CPE: variants seen among roughly 807,000 people sequenced by gnomAD.
CPE encodes carbocypeptidase E.
Under a neutral mutation model 53.5 loss-of-function variants are expected in CPE, and 17 were observed. The ratio of observed to expected loss-of-function variants is 0.32; its 90% CI spans 0.22 to 0.48. The LOEUF is 0.48. CPE is among the 20% of genes least tolerant of loss of function. CPE has a pLI of 0.99. For missense variants in CPE, 524 were observed against 614.7 expected, an observed-to-expected ratio of 0.85 and a Z score of 1.56; for synonymous variants, 226 against 228.8, an observed-to-expected ratio of 0.99 and a Z score of 0.11.
intron 1 of CPE, among the ~76,000 whole-genome samples, chr4:165,426,911 G>T (rs938226953): frequency 6.6e-6 from 1 of 152,278 alleles, no homozygotes; most frequent in East Asian, 1.9e-4. Flanking sequence ...GGCAGAGAGC[G>T]GGCCTGAAAG....
intron 1 of CPE, among the ~76,000 whole-genome samples, chr4:165,397,776 C>T (rs1730792963): frequency 6.6e-6 from 1 of 151,908 alleles, no homozygotes; most frequent in South Asian, 2.1e-4. Context: ...CATAGTGGCT[C>T]ATGCTTGAAA....
chr4:165,392,853 A>G (rs2126656464), intron 1 of CPE, among the ~76,000 whole-genome samples: 1 of 148,282 alleles, frequency 6.7e-6, no homozygotes, highest in South Asian at 2.1e-4. Flanking sequence ...TGGCACATAT[A>G]TAGTCTGTTA....
chr4:165,472,693 C>T (rs1282094012), intron 3 of CPE, among the ~76,000 whole-genome samples: 1 of 152,202 alleles, frequency 6.6e-6, no homozygotes, highest in African/African-American at 2.4e-5. Flanking sequence ...AAACCTTCCA[C>T]AACTTGCTCA....
Position 165,480,023 on chromosome 4 carries a change from T to C in CPE, c.673-2219T>C, listed in dbSNP as rs181457587. On this transcript the variant is annotated intron_variant, in intron 3 of 8. Coordinates refer to ENST00000402744, the MANE Select transcript of CPE (RefSeq NM_001873.4). Reference sequence around the variant, plus strand: ...AAAAAAAAAAAGCTATGCATTTCAATAGAAAAATTAGTTAAACCATATAAA... The same window carrying C: ...AAAAAAAAAAAGCTATGCATTTCAACAGAAAAATTAGTTAAACCATATAAA... 3.6e-3 allele frequency among the ~76,000 whole-genome samples: 545 copies of C among 149,934 alleles called. 2 individuals are homozygous for C. The highest frequency in any genetic ancestry group is 0.013 in the African/African-American group (515 of 40,918).
rs551225343 is a variant in CPE, at chr4:165,383,772, G to A, written c.307+4244G>A. 6.6e-5 allele frequency among the ~76,000 whole-genome samples: 10 copies of A among 152,302 alleles called. No individual in the cohort carries two copies. In the South Asian group the frequency reaches 1.7e-3, roughly 25 times the overall value. ...ATTATTTGTATGGCGTCTTTTTATAGCAGATTAGTATGTGTTAGTGGCAAA... is the reference window on the plus strand; with the variant it reads ...ATTATTTGTATGGCGTCTTTTTATAACAGATTAGTATGTGTTAGTGGCAAA... On this transcript the variant is annotated intron_variant, in intron 1 of 8. Coordinates refer to ENST00000402744, the MANE Select transcript of CPE (RefSeq NM_001873.4).
In CPE at chr4:165,482,501, G is replaced by T. The variant is rs1025600764; in HGVS notation, c.790+142G>T. On this transcript the variant is annotated intron_variant, in intron 4 of 8. Transcript: ENST00000402744. ...AAGAAAGAACTATGTTTAACAGGAAGCTCTCCTAATCATTTCATATGGTGT... is the reference window on the plus strand; with the variant it reads ...AAGAAAGAACTATGTTTAACAGGAATCTCTCCTAATCATTTCATATGGTGT... The T allele has an allele frequency of 4.8e-6, 3 of 620,994 alleles. No homozygotes were observed. The African/African-American group carries it at 5.6e-5, about 12-fold the overall frequency. The allele number at this position is 620,994 out of a possible 1,614,324, so 38.5% of individuals were successfully genotyped here.
rs780653193 is a variant in CPE at position 165,493,149 on chromosome 4, T to C, written c.1114-22T>C. The stretch of plus-strand genomic sequence containing the variant: ...AAATTTATAGGTCATATTAATTTTT[T>C]GGTTATTTTTGACCTTCACAGATAC... On this transcript the variant is annotated intron_variant, in intron 6 of 8. Coordinates refer to ENST00000402744, the MANE Select transcript of CPE (RefSeq NM_001873.4). 9 of 1,496,134 alleles carry C rather than the reference T, an allele frequency of 6.0e-6. No homozygotes were observed. In the South Asian group the frequency reaches 9.2e-5, roughly 15 times the overall value. 92.7% of individuals were successfully genotyped at this position (1,496,134 alleles called of 1,614,324 possible).
chr4:165,400,432 G>C (rs982537786), intron 1 of CPE, among the ~76,000 whole-genome samples: 2 of 152,140 alleles, frequency 1.3e-5, no homozygotes, highest in East Asian at 3.9e-4. Context: ...AAAGAAAGAG[G>C]CAGTAGGTAT....
intron 1 of CPE, among the ~76,000 whole-genome samples, chr4:165,432,543 G>A (rs1190946944): frequency 6.6e-6 from 1 of 152,060 alleles, no homozygotes; most frequent in Non-Finnish European, 1.5e-5. Context: ...CAATTCTCCT[G>A]CCTTGGCCTC....
At chr4:165,464,073 A>G (rs1732054450) in intron 1 of CPE, among the ~76,000 whole-genome samples, 1 of 152,198 alleles carries the variant, frequency 6.6e-6, no homozygotes, top group South Asian at 2.1e-4. Context: ...TAAAGATGAC[A>G]GTCCTATTGG....
At chr4:165,423,867 C>G (rs1028100764) in intron 1 of CPE, among the ~76,000 whole-genome samples, 11 of 142,366 alleles carry the variant, frequency 7.7e-5, no homozygotes, top group Non-Finnish European at 1.7e-4. Flanking sequence ...TTGTTCAATT[C>G]CCACCTATGA....
intron 1 of CPE, among the ~76,000 whole-genome samples, chr4:165,410,127 T>C (rs1731013415): frequency 6.6e-6 from 1 of 151,486 alleles, no homozygotes. Context: ...TGGGCGCCTG[T>C]AGTCCCAGCT....
intron 1 of CPE, among the ~76,000 whole-genome samples, chr4:165,442,024 T>G (rs1241866640): frequency 8.2e-5 from 4 of 49,000 alleles, no homozygotes; most frequent in South Asian, 1.1e-3. Flanking sequence ...GGTGAGTTTG[T>G]TTTTTTTTTT....
intron 1 of CPE, chr4:165,381,324 C>T: frequency 6.6e-6 from 3 of 456,214 alleles, no homozygotes; most frequent in South Asian, 4.6e-5. Flanking sequence ...CAGCACCCAG[C>T]TCATGTTTGG....
At chr4:165,476,674 TGCCTGACATTCCTGGTGTTGGGAGAAG>T (rs1244701832) in intron 3 of CPE, among the ~76,000 whole-genome samples, 3 of 152,156 alleles carry the variant, frequency 2.0e-5, no homozygotes, top group Non-Finnish European at 4.4e-5. Flanking sequence ...ACCTAATGTT[TGCCTGACATTCCTGGTGTTGGGAGAAG>T]GCCCTCTCCT....
At chr4:165,432,527 C>G (rs755317896) in intron 1 of CPE, among the ~76,000 whole-genome samples, 18 of 152,244 alleles carry the variant, frequency 1.2e-4, no homozygotes, top group Non-Finnish European at 2.6e-4. Flanking sequence ...AACTCCTGGG[C>G]TCAAGCAATT....
intron 1 of CPE, chr4:165,415,012 T>C (rs1191144341): frequency 6.4e-6 from 1 of 155,916 alleles, no homozygotes; most frequent in Non-Finnish European, 1.5e-5. Context: ...TAATTCCAAA[T>C]GAATATGTTT....
At chr4:165,460,638 C>T (rs1435972189) in intron 1 of CPE, among the ~76,000 whole-genome samples, 2 of 152,152 alleles carry the variant, frequency 1.3e-5, no homozygotes. Context: ...GGTTTTCAAG[C>T]ATCTGCAGCT....
chr4:165,479,947 G>A (rs371815107), intron 3 of CPE, among the ~76,000 whole-genome samples: 2 of 144,504 alleles, frequency 1.4e-5, no homozygotes, highest in African/African-American at 2.6e-5. Flanking sequence ...AACCAAGATC[G>A]CTCCACTGCA....
Sources: allele counts gnomAD v4.1 joint callset (sites outside exome capture counted in the v4.1 genomes callset), GRCh38; gene constraint gnomAD v4.1.1; transcripts MANE v1.5; gene names NCBI Gene and HGNC (gene_info 2026-07-23, HGNC 2026-07-21).